DR1: variants seen among roughly 807,000 people sequenced by gnomAD.
DR1 encodes protein Dr1.
A neutral mutation model predicts 19.9 loss-of-function variants in DR1; 7 were observed. The observed-to-expected ratio is 0.35, with a 90% CI of 0.20 to 0.66. The LOEUF is 0.66. Ranked by LOEUF, DR1 falls within the 30% of genes least tolerant of loss-of-function variation. DR1 has a pLI of 0.66. For synonymous variants in DR1, 76 were observed against 72.5 expected (o/e 1.05, Z -0.24); for missense variants, 98 against 203.7 (o/e 0.48, Z 3.16).
At chr1:93,348,349 C>T (rs1666877212) in intron 1 of DR1, among the ~76,000 whole-genome samples, 1 of 152,012 alleles carries the variant, frequency 6.6e-6, no homozygotes, top group Non-Finnish European at 1.5e-5. Context: ...GATTATCCAG[C>T]ACAGATAGCT....
rs958637978 is a variant in DR1 at position 93,369,276 on chromosome 1, A to G, written c.*8637A>G. 3.3e-5 allele frequency: 5 copies of G among 152,162 alleles called. No individual in the cohort carries two copies. The highest frequency in any genetic ancestry group is 1.2e-4 in the African/African-American group (5 of 41,436). The allele number at this position is 152,162 out of a possible 1,614,324, so 9.4% of individuals were successfully genotyped here. On this transcript the variant is annotated 3_prime_UTR_variant, in exon 3 of 3. Coordinates refer to ENST00000370272, the MANE Select transcript of DR1 (RefSeq NM_001938.3). Reference sequence around the variant, plus strand: ...AATACTGGAACAAATACTAAAATAAATGACCTTTATTTGAAGATCTTTTAA... The same window carrying G: ...AATACTGGAACAAATACTAAAATAAGTGACCTTTATTTGAAGATCTTTTAA...
At chr1:93,353,629 C>T (rs1420216159) in intron 1 of DR1, among the ~76,000 whole-genome samples, 1 of 152,064 alleles carries the variant, frequency 6.6e-6, no homozygotes, top group Non-Finnish European at 1.5e-5. Context: ...ACAGGAAATG[C>T]TTTGGTCTTT....
rs1437912908 is a variant in DR1, at chr1:93,366,807, G to C, written c.*6168G>C. 1 of 152,196 alleles carries C rather than the reference G, an allele frequency of 6.6e-6. No homozygotes were observed. The highest frequency in any genetic ancestry group is 1.5e-5 in the Non-Finnish European group (1 of 68,044). The allele number at this position is 152,196 out of a possible 1,614,324, so 9.4% of individuals were successfully genotyped here. ...GCTTGACCTCAGGAGTTCGGAACCA[G>C]CCTGGGTAATATGGTGAAACCCGTC... On this transcript the variant is annotated 3_prime_UTR_variant, in exon 3 of 3. Coordinates refer to ENST00000370272, the MANE Select transcript of DR1 (RefSeq NM_001938.3).
At position 93,366,678 on chromosome 1, in the gene DR1, T is replaced by C. The variant is rs536053104; in HGVS notation, c.*6039T>C. The C allele has an allele frequency of 6.6e-6, 1 of 152,196 alleles. No homozygotes were observed. The allele number at this position is 152,196 out of a possible 1,614,324, so 9.4% of individuals were successfully genotyped here. ...CTAAAATTAAACATTGAGATTAATA[T>C]GAGCTTTATATACATTTAAAAAGGA... On this transcript the variant is annotated 3_prime_UTR_variant, in exon 3 of 3. Coordinates refer to ENST00000370272, the MANE Select transcript of DR1 (RefSeq NM_001938.3).
rs1344011350 is a variant in DR1 at position 93,363,074 on chromosome 1, C to A, written c.*2435C>A. On this transcript the variant is annotated 3_prime_UTR_variant, in exon 3 of 3. Transcript: ENST00000370272. ...TAAAACTGCATATACCACACACACA[C>A]AAAACAGTACACAAATAAAGGTTTT... 1.3e-5 allele frequency: 2 copies of A among 151,798 alleles called. No individual in the cohort carries two copies. Among genetic ancestry groups the A allele is most frequent in the Non-Finnish European group, 2.9e-5 (2 of 67,902 alleles). The allele number at this position is 151,798 out of a possible 1,614,324, so 9.4% of individuals were successfully genotyped here. A position where few individuals can be genotyped will look rare whatever the true frequency, so the allele number is the denominator to read the frequency against.
At position 93,360,571 on chromosome 1, in the gene DR1, G is replaced by A; in HGVS notation, c.463G>A (p.Ala155Thr). Reference sequence around the variant, plus strand: ...AGCTGCCCAACAAGCCCAGCTTGCTGCTGCCTCAGCCAGTGCATCTAATCA... The same window carrying A: ...AGCTGCCCAACAAGCCCAGCTTGCTACTGCCTCAGCCAGTGCATCTAATCA... ...QQAAQQAQLA[A>T]ASASASNQAG... Residue 155 changes from alanine (A) to threonine (T), a missense_variant, in exon 3 of 3, where the codon GCT becomes ACT. Ala to Thr is a moderately conservative substitution (Grantham distance 58, BLOSUM62 0). Coordinates refer to ENST00000370272, the MANE Select transcript of DR1 (RefSeq NM_001938.3). 3 of 1,599,824 alleles carry A rather than the reference G, an allele frequency of 1.9e-6. No homozygotes were observed. Among genetic ancestry groups the A allele is most frequent in the Non-Finnish European group, 2.6e-6 (3 of 1,175,110 alleles).
At chr1:93,359,681 T>G (rs2101639782) in intron 2 of DR1, among the ~76,000 whole-genome samples, 1 of 152,248 alleles carries the variant, frequency 6.6e-6, no homozygotes, top group South Asian at 2.1e-4. Flanking sequence ...CCCTTCTTGG[T>G]GTGGTTTTTC....
chr1:93,358,456 A>G (rs1018409949), intron 2 of DR1, among the ~76,000 whole-genome samples: 2 of 152,206 alleles, frequency 1.3e-5, no homozygotes, highest in Non-Finnish European at 1.5e-5. Context: ...TTCCTGTAGC[A>G]GAGACTGAAC....
chr1:93,367,420 G>A lies in DR1; in HGVS notation c.*6781G>A, dbSNP rs766148982. The stretch of plus-strand genomic sequence containing the variant: ...GTTTTACAGTAATTTGTATTCATTC[G>A]TTTTTCAACCTGCTTATTTCAGTTC... On this transcript the variant is annotated 3_prime_UTR_variant, in exon 3 of 3. Transcript: ENST00000370272. The A allele has an allele frequency of 4.6e-5, 7 of 152,078 alleles. No individual in the cohort carries two copies. The highest frequency in any genetic ancestry group is 8.8e-5 in the Non-Finnish European group (6 of 68,004). The allele number at this position is 152,078 out of a possible 1,614,324, so 9.4% of individuals were successfully genotyped here. A position where few individuals can be genotyped will look rare whatever the true frequency, so the allele number is the denominator to read the frequency against.
intron 1 of DR1, among the ~76,000 whole-genome samples, chr1:93,349,076 G>A (rs1450239280): frequency 6.6e-6 from 1 of 152,056 alleles, no homozygotes; most frequent in Non-Finnish European, 1.5e-5. Flanking sequence ...ATTCTCACAT[G>A]TTGAAGTTTG....
chr1:93,360,569 C>T lies in DR1; in HGVS notation c.461C>T (p.Ala154Val). The change falls in exon 3 of 3, where the codon GCT becomes GTT. Residue 154 changes from alanine (A) to valine (V), a missense_variant. Ala to Val is a moderately conservative substitution (Grantham distance 64). Coordinates refer to ENST00000370272, the MANE Select transcript of DR1 (RefSeq NM_001938.3). ...MQQAAQQAQL[A>V]AASASASNQA... ...CAAGCTGCCCAACAAGCCCAGCTTG[C>T]TGCTGCCTCAGCCAGTGCATCTAAT... 1 of 1,600,334 alleles carries T rather than the reference C, an allele frequency of 6.2e-7. No homozygotes were observed. The highest frequency in any genetic ancestry group is 8.5e-7 in the Non-Finnish European group (1 of 1,175,346).
chr1:93,367,788 T>G lies in DR1; in HGVS notation c.*7149T>G, dbSNP rs1025910823. The G allele has an allele frequency of 6.6e-6, 1 of 152,096 alleles. No individual in the cohort carries two copies. Among genetic ancestry groups the G allele is most frequent in the Admixed American group, 6.6e-5 (1 of 15,264 alleles). 9.4% of individuals were successfully genotyped at this position (152,096 alleles called of 1,614,324 possible). On this transcript the variant is annotated 3_prime_UTR_variant, in exon 3 of 3. Coordinates refer to ENST00000370272, the MANE Select transcript of DR1 (RefSeq NM_001938.3). ...CAGCACTTTGGGAGGCCGAGGCGGG[T>G]GGATCACGAGGTCAGGAGATAGAGA...
intron 1 of DR1, among the ~76,000 whole-genome samples, chr1:93,350,734 T>G (rs531961211): frequency 3.3e-5 from 5 of 152,290 alleles, no homozygotes; most frequent in African/African-American, 1.2e-4. Flanking sequence ...ATGTACACCA[T>G]GGACTTTTCT....
At position 93,362,086 on chromosome 1, in the gene DR1, CTAAG is replaced by C. The variant is rs1667061285; in HGVS notation, c.*1455_*1458del. On this transcript the variant is annotated 3_prime_UTR_variant, in exon 3 of 3. Transcript: ENST00000370272. ...CAGGATTCCAATTTTAATTGGAGAG[CTAAG>C]TAAGTAAAGTTTTATAACTGTTAGG... 1 of 152,334 alleles carries C rather than the reference CTAAG, an allele frequency of 6.6e-6. No homozygotes were observed. The allele number at this position is 152,334 out of a possible 1,614,324, so 9.4% of individuals were successfully genotyped here. A position where few individuals can be genotyped will look rare whatever the true frequency, so the allele number is the denominator to read the frequency against.
chr1:93,349,825 A>G (rs1360812697), intron 1 of DR1, among the ~76,000 whole-genome samples: 4 of 152,108 alleles, frequency 2.6e-5, no homozygotes, highest in Non-Finnish European at 4.4e-5. Context: ...ATTTTTTACT[A>G]TTTGATTCAA....
intron 1 of DR1, among the ~76,000 whole-genome samples, chr1:93,348,637 A>G (rs529257199): frequency 6.6e-6 from 1 of 152,252 alleles, no homozygotes; most frequent in South Asian, 2.1e-4. Context: ...GGAATATGCT[A>G]AATTCAGTTT....
chr1:93,349,152 CCTTG>C (rs1393746175), intron 1 of DR1, among the ~76,000 whole-genome samples: 2 of 152,122 alleles, frequency 1.3e-5, no homozygotes, highest in South Asian at 4.1e-4. Context: ...TCATTTCTCA[CCTTG>C]CTTTATCTTG....
rs1490690476 is a variant in DR1, at chr1:93,368,407, A to G, written c.*7768A>G. 1.3e-5 allele frequency: 2 copies of G among 152,184 alleles called. No individual in the cohort carries two copies. The highest frequency in any genetic ancestry group is 2.9e-5 in the Non-Finnish European group (2 of 68,018). 9.4% of individuals were successfully genotyped at this position (152,184 alleles called of 1,614,324 possible). The stretch of plus-strand genomic sequence containing the variant: ...CCAGAATAAGTTTTTAATGTGAATC[A>G]GAGATTTTTATTAGGAATTGGGAGT... On this transcript the variant is annotated 3_prime_UTR_variant, in exon 3 of 3. Transcript: ENST00000370272.
In DR1 at chr1:93,354,085, T is replaced by C; in HGVS notation, c.384+14T>C. The C allele has an allele frequency of 6.2e-7, 1 of 1,606,142 alleles. No individual in the cohort carries two copies. The highest frequency in any genetic ancestry group is 1.7e-4 in the Middle Eastern group (1 of 5,940). The stretch of plus-strand genomic sequence containing the variant: ...TTATTTGCAAAAGTAAGTAATTTAT[T>C]TAAATTATTTTCCTCTGAATCCTAC... On this transcript the variant is annotated intron_variant, in intron 2 of 2. Transcript: ENST00000370272.
Sources: allele counts gnomAD v4.1 joint callset (sites outside exome capture counted in the v4.1 genomes callset), GRCh38; gene constraint gnomAD v4.1.1; transcripts MANE v1.5; gene names NCBI Gene and HGNC (gene_info 2026-07-23, HGNC 2026-07-21).